Variants in FLVCR2 observed in about 807,000 individuals in gnomAD.
FLVCR2 encodes the protein FLVCR choline and putative heme transporter 2.
FLVCR2 carries 38 observed loss-of-function variants against 48.9 expected under a neutral mutation model. The ratio of observed to expected loss-of-function variants is 0.78; its 90% CI spans 0.60 to 1.02. FLVCR2 has a LOEUF of 1.02. FLVCR2 is among the 50% of genes least tolerant of loss of function. FLVCR2 has a pLI of 0.00. For synonymous variants in FLVCR2, 255 were observed against 257.0 expected, an observed-to-expected ratio of 0.99 and a Z score of 0.07; for missense variants, 664 against 663.3, an observed-to-expected ratio of 1.00 and a Z score of -0.01.
chr14:75,598,608 T>TG (rs967337079), intron 1 of FLVCR2, among the ~76,000 whole-genome samples: 14 of 152,194 alleles, frequency 9.2e-5, no homozygotes, highest in Non-Finnish European at 2.9e-5. Flanking sequence ...ACAGAGTAGC[T>TG]GGGACTACAG....
At chr14:75,632,901 T>C in intron 3 of FLVCR2, 1 of 702,110 alleles carries the variant, frequency 1.4e-6, no homozygotes, top group Non-Finnish European at 2.6e-6. Flanking sequence ...GCCGCCATTG[T>C]CATCATCATC....
At position 75,647,365 on chromosome 14, in the gene FLVCR2, T is replaced by C. The variant is rs1890444124; in HGVS notation, c.*893T>C. On this transcript the variant is annotated 3_prime_UTR_variant, in exon 10 of 10. Transcript: ENST00000238667. ...GCCATCAGCCCAAGTGCTTGTTTTA[T>C]TCCAAGGCAGGGTAATCCCCGTCAA... The C allele has an allele frequency of 1.3e-5, 2 of 152,258 alleles. No homozygotes were observed. The highest frequency in any genetic ancestry group is 1.3e-4 in the Admixed American group (2 of 15,278). 9.4% of individuals were successfully genotyped at this position (152,258 alleles called of 1,614,324 possible).
chr14:75,622,039 C>G, intron 1 of FLVCR2, 40 bp from the exon 2 acceptor site: 1 of 1,610,256 alleles, frequency 6.2e-7, no homozygotes, highest in Non-Finnish European at 8.5e-7. Flanking sequence ...CACCTCTTGG[C>G]CATTGGTAAC....
intron 1 of FLVCR2, among the ~76,000 whole-genome samples, chr14:75,580,279 T>C (rs1888562498): frequency 6.6e-6 from 1 of 152,220 alleles, no homozygotes; most frequent in Admixed American, 6.5e-5. Context: ...CTTTCTTTCT[T>C]ATTGGAAGGA....
At chr14:75,584,456 G>A (rs1888690933) in intron 1 of FLVCR2, among the ~76,000 whole-genome samples, 1 of 152,226 alleles carries the variant, frequency 6.6e-6, no homozygotes. Flanking sequence ...GGGCGGTAAA[G>A]CGTCTAAGGG....
At chr14:75,605,718 C>T (rs888652572) in intron 1 of FLVCR2, 14 of 1,201,584 alleles carry the variant, frequency 1.2e-5, no homozygotes, top group African/African-American at 3.0e-5. Context: ...GGCTCCCCTC[C>T]GATTGCTTCT....
At position 75,612,825 on chromosome 14, in the gene FLVCR2, A is replaced by G. The variant is rs553304974; in HGVS notation, c.670-9254A>G. On this transcript the variant is annotated intron_variant, in intron 1 of 9. Transcript: ENST00000238667. ...CTGCCAAACCTCGACTACATGTCCC[A>G]AGGTAGCTTGCCTGGCAGAGTGCCT... 1.4e-4 allele frequency among the ~76,000 whole-genome samples: 21 copies of G among 152,326 alleles called. No homozygotes were observed. In the South Asian group the frequency reaches 4.4e-3, roughly 32 times the overall value.
At chr14:75,616,026 CAAAA>C (rs10629813) in intron 1 of FLVCR2, among the ~76,000 whole-genome samples, 4 of 25,618 alleles carry the variant, frequency 1.6e-4, no homozygotes, top group Admixed American at 8.3e-4. Flanking sequence ...GACTCCATCT[CAAAA>C]AAAAAAAAAA....
chr14:75,579,218 G>C lies in FLVCR2; in HGVS notation c.246G>C (p.Arg82Ser). 6.2e-7 allele frequency: 1 copy of C among 1,614,238 alleles called. No individual in the cohort carries two copies. The highest frequency in any genetic ancestry group is 8.5e-7 in the Non-Finnish European group (1 of 1,180,046). ...PEDLSVIKVS[R>S]RRWAVVLVFS... The stretch of plus-strand genomic sequence containing the variant: ...ACCTCAGCGTGATCAAGGTGAGCAG[G>C]CGCCGTTGGGCCGTGGTCCTGGTGT... The change falls in exon 1 of 10, where the codon AGG becomes AGC. Residue 82 changes from arginine to serine, a missense_variant. Physicochemically the swap from Arg to Ser is moderately radical, Grantham distance 110 (BLOSUM62 -1). Coordinates refer to ENST00000238667, the MANE Select transcript of FLVCR2 (RefSeq NM_017791.3).
chr14:75,580,002 G>A (rs1337442229), intron 1 of FLVCR2, among the ~76,000 whole-genome samples: 1 of 152,254 alleles, frequency 6.6e-6, no homozygotes, highest in Non-Finnish European at 1.5e-5. Flanking sequence ...GGTGTCATCA[G>A]AACTTGGCAG....
chr14:75,596,124 A>G, intron 1 of FLVCR2: 1 of 888,706 alleles, frequency 1.1e-6, no homozygotes, highest in Non-Finnish European at 1.9e-6. Flanking sequence ...CCCAGGGTGA[A>G]GGATATCAAT....
At chr14:75,612,095 G>A (rs948444507) in intron 1 of FLVCR2, among the ~76,000 whole-genome samples, 3 of 152,056 alleles carry the variant, frequency 2.0e-5, no homozygotes, top group African/African-American at 7.3e-5. Context: ...CTATTTTATG[G>A]AGTGAAGTGT....
At chr14:75,628,261 C>T (rs1889957029) in intron 3 of FLVCR2, among the ~76,000 whole-genome samples, 1 of 152,100 alleles carries the variant, frequency 6.6e-6, no homozygotes, top group South Asian at 2.1e-4. Flanking sequence ...ATTACAGGTA[C>T]CCGCCACCAC....
intron 5 of FLVCR2, among the ~76,000 whole-genome samples, chr14:75,635,584 G>A (rs191569712): frequency 1.5e-3 from 222 of 152,312 alleles, no homozygotes; most frequent in Middle Eastern, 3.4e-3. Context: ...GTTTTATCAG[G>A]CTGGGCGCAG....
chr14:75,598,191 G>A (rs1402017950), intron 1 of FLVCR2, among the ~76,000 whole-genome samples: 1 of 152,106 alleles, frequency 6.6e-6, no homozygotes, highest in Non-Finnish European at 1.5e-5. Flanking sequence ...TCAGTGGGAA[G>A]CAGTGGGAGC....
rs1566799930 is a variant in FLVCR2 at position 75,646,690 on chromosome 14, C to A, written c.*218C>A. 5 of 573,136 alleles carry A rather than the reference C, an allele frequency of 8.7e-6. No homozygotes were observed. The highest frequency in any genetic ancestry group is 1.6e-5 in the Non-Finnish European group (5 of 309,176). The allele number at this position is 573,136 out of a possible 1,614,324, so 35.5% of individuals were successfully genotyped here. On this transcript the variant is annotated 3_prime_UTR_variant, in exon 10 of 10. Coordinates refer to ENST00000238667, the MANE Select transcript of FLVCR2 (RefSeq NM_017791.3). ...CTATCACCAAATGCAAATTTGATTC[C>A]CACCTCCACCCCCTTTTAGGTTATG...
At chr14:75,626,147 A>G (rs1244710975) in intron 3 of FLVCR2, among the ~76,000 whole-genome samples, 3 of 152,126 alleles carry the variant, frequency 2.0e-5, no homozygotes, top group Non-Finnish European at 2.9e-5. Flanking sequence ...ACATGCCACC[A>G]TGCCCGGCTA....
At chr14:75,579,699 T>C in intron 1 of FLVCR2, 58 bp downstream of exon 1, 8 of 1,568,714 alleles carry the variant, frequency 5.1e-6, no homozygotes, top group Non-Finnish European at 6.1e-6. Flanking sequence ...CACCTAACTA[T>C]TGGGTGTGGT....
chr14:75,645,033 G>GGGGT (rs1433999747), intron 9 of FLVCR2, among the ~76,000 whole-genome samples: 1,139 of 13,048 alleles, frequency 0.087, 15 homozygotes, highest in African/African-American at 0.14. Flanking sequence ...AGGCGGGCGT[G>GGGGT]GTGTGTGTGT....
Sources: allele counts gnomAD v4.1 joint callset (sites outside exome capture counted in the v4.1 genomes callset), GRCh38; gene constraint gnomAD v4.1.1; transcripts MANE v1.5; gene names NCBI Gene and HGNC (gene_info 2026-07-23, HGNC 2026-07-21).